SLC35A1: variants seen among roughly 807,000 people sequenced by gnomAD.
The protein encoded by SLC35A1 is solute carrier family 35 member A1.
SLC35A1 carries 21 observed loss-of-function variants against 40.3 expected under a neutral mutation model. The ratio of observed to expected loss-of-function variants is 0.52; its 90% CI spans 0.37 to 0.75. SLC35A1 has a LOEUF of 0.75. Among genes scored for constraint, SLC35A1 ranks in the 30% least tolerant of loss-of-function variants. The pLI is 0.00. For synonymous variants in SLC35A1, 146 were observed against 147.3 expected, an observed-to-expected ratio of 0.99 and a Z score of 0.06; for missense variants, 297 against 382.1, an observed-to-expected ratio of 0.78 and a Z score of 1.86.
At chr6:87,500,728 T>A in intron 3 of SLC35A1, 61 bp downstream of exon 3, 3 of 1,512,310 alleles carry the variant, frequency 2.0e-6, no homozygotes, top group Non-Finnish European at 1.8e-6. Context: ...GAGTTTTTAT[T>A]AACTCTTTAT....
intron 2 of SLC35A1, among the ~76,000 whole-genome samples, chr6:87,493,239 A>C (rs1769606847): frequency 6.6e-6 from 1 of 152,152 alleles, no homozygotes; most frequent in African/African-American, 2.4e-5. Context: ...TCTTTTTAGC[A>C]TATCTTGTTA....
intron 2 of SLC35A1, among the ~76,000 whole-genome samples, chr6:87,481,028 T>A (rs1005758273): frequency 6.6e-6 from 1 of 152,240 alleles, no homozygotes; most frequent in South Asian, 2.1e-4. Flanking sequence ...CTAGGGGTGG[T>A]ACCTGTGCTA....
intron 2 of SLC35A1, among the ~76,000 whole-genome samples, chr6:87,481,518 T>G (rs918721606): frequency 6.6e-6 from 1 of 152,108 alleles, no homozygotes; most frequent in Non-Finnish European, 1.5e-5. Flanking sequence ...GAGAAACCTA[T>G]TTTTATTAGT....
Position 87,481,417 on chromosome 6 carries a change from C to T in SLC35A1, c.194+3878C>T, listed in dbSNP as rs866350477. On this transcript the variant is annotated intron_variant, in intron 2 of 7. Coordinates refer to ENST00000369552, the MANE Select transcript of SLC35A1 (RefSeq NM_006416.5). ...GGGCAACAAGAGCGAAACTCTGACT[C>T]AAAAAAAAAAAAAAAAATTGGGGGA... Among the ~76,000 whole-genome samples the T allele has an allele frequency of 7.5e-3, 880 of 116,852 alleles. 6 individuals carry two copies. The highest frequency in any genetic ancestry group is 0.023 in the African/African-American group (745 of 32,942). 76.7% of individuals were successfully genotyped at this position (116,852 alleles called of 152,430 possible). A position where few individuals can be genotyped will look rare whatever the true frequency, so the allele number is the denominator to read the frequency against.
rs142519721 is a variant in SLC35A1, at chr6:87,476,176, T to C, written c.17-1186T>C. On this transcript the variant is annotated intron_variant, in intron 1 of 7. Coordinates refer to ENST00000369552, the MANE Select transcript of SLC35A1 (RefSeq NM_006416.5). ...GCAGGCAATTCTTAAATTAAGTGTT[T>C]ATATGTTTCCTGCATTTCTAGTTTT... Among the ~76,000 whole-genome samples the C allele has an allele frequency of 2.0e-5, 3 of 152,210 alleles. No individual in the cohort carries two copies. The East Asian group carries it at 5.8e-4, about 29-fold the overall frequency.
At chr6:87,473,907 C>T (rs1768992437) in intron 1 of SLC35A1, among the ~76,000 whole-genome samples, 1 of 152,260 alleles carries the variant, frequency 6.6e-6, no homozygotes, top group Admixed American at 6.5e-5. Flanking sequence ...TAAGGAATAT[C>T]TTCTTGCGTG....
intron 2 of SLC35A1, among the ~76,000 whole-genome samples, chr6:87,498,796 A>G (rs1045681345): frequency 2.0e-5 from 3 of 152,144 alleles, no homozygotes; most frequent in Non-Finnish European, 4.4e-5. Context: ...AACAACAAAG[A>G]TGTAAGGAAA....
chr6:87,476,524 A>G (rs927739475), intron 1 of SLC35A1, among the ~76,000 whole-genome samples: 1 of 152,204 alleles, frequency 6.6e-6, no homozygotes, highest in Non-Finnish European at 1.5e-5. Context: ...CAGGAGTTCG[A>G]GACCAGCCTG....
In SLC35A1 at chr6:87,497,743, A is replaced by T. The variant is rs906004828; in HGVS notation, c.195-2765A>T. 3.3e-5 allele frequency among the ~76,000 whole-genome samples: 5 copies of T among 151,744 alleles called. No homozygotes were observed. The East Asian group carries it at 5.8e-4, about 18-fold the overall frequency. On this transcript the variant is annotated intron_variant, in intron 2 of 7. Coordinates refer to ENST00000369552, the MANE Select transcript of SLC35A1 (RefSeq NM_006416.5). ...AATGTCTTATTTTTTTCTTTTTTTT[A>T]AAAGAGATGGTATCTTACTCTTTCA...
At chr6:87,504,046 T>TAAATTAAATTTA (rs1229329832) in intron 4 of SLC35A1, among the ~76,000 whole-genome samples, 3 of 152,124 alleles carry the variant, frequency 2.0e-5, no homozygotes, top group Non-Finnish European at 4.4e-5. Context: ...TTTATTTAGC[T>TAAATTAAATTTA]AGGTAGTCTA....
At chr6:87,509,584 T>C (rs1562028147) in intron 7 of SLC35A1, among the ~76,000 whole-genome samples, 1 of 152,216 alleles carries the variant, frequency 6.6e-6, no homozygotes, top group South Asian at 2.1e-4. Flanking sequence ...TTTAGAAGAA[T>C]GTAGAAAACA....
Position 87,477,450 on chromosome 6 carries a change from G to A in SLC35A1, c.105G>A (p.Arg35=), listed in dbSNP as rs1769108347. Residue 35 remains arginine (R), a synonymous_variant, in exon 2 of 8, where the codon AGG becomes AGA. Coordinates refer to ENST00000369552, the MANE Select transcript of SLC35A1 (RefSeq NM_006416.5). ...ATACCATAGCTTTAAGATACACAAG[G>A]ACATCAGACAAAGAACTCTACTTTT... The part of the protein sequence containing the change: ...AVYTIALRYT[R]TSDKELYFST... 6.2e-7 allele frequency: 1 copy of A among 1,613,716 alleles called. No homozygotes were observed. Among genetic ancestry groups the A allele is most frequent in the Non-Finnish European group, 8.5e-7 (1 of 1,179,720 alleles).
intron 6 of SLC35A1, 123 bp from the exon 7 acceptor site, chr6:87,508,918 A>T (rs933890088): frequency 2.0e-4 from 219 of 1,081,008 alleles, no homozygotes; most frequent in Admixed American, 1.3e-4. Context: ...GCTCCTTCTA[A>T]GGAAAACAGT....
intron 2 of SLC35A1, among the ~76,000 whole-genome samples, chr6:87,477,961 A>G (rs1001477382): frequency 5.3e-5 from 8 of 152,194 alleles, no homozygotes; most frequent in Non-Finnish European, 1.0e-4. Context: ...ACAGAAAACA[A>G]TTATTGACTT....
intron 7 of SLC35A1, 57 bp downstream of exon 7, chr6:87,509,232 T>A: frequency 2.5e-6 from 4 of 1,603,568 alleles, no homozygotes; most frequent in Non-Finnish European, 3.4e-6. Context: ...TTTCCTTGAT[T>A]CATTTAATCC....
In SLC35A1 at chr6:87,508,407, A is replaced by T. The variant is rs1289408096; in HGVS notation, c.575-13A>T. The T allele has an allele frequency of 5.8e-6, 9 of 1,542,176 alleles. No individual in the cohort carries two copies. Among genetic ancestry groups the T allele is most frequent in the Non-Finnish European group, 7.2e-6 (8 of 1,117,644 alleles). ...AGTAATCTTTAATATTTGCATGTCT[A>T]ATTTTCTTTCAGGAGTATATTTTGA... On this transcript the variant is annotated splice_polypyrimidine_tract_variant and intron_variant, in intron 5 of 7. Transcript: ENST00000369552.
intron 4 of SLC35A1, among the ~76,000 whole-genome samples, chr6:87,502,314 T>A (rs1294459702): frequency 1.3e-5 from 2 of 152,230 alleles, no homozygotes; most frequent in Non-Finnish European, 2.9e-5. Context: ...AGGCACAGTT[T>A]GGTAATTACC....
At chr6:87,509,840 A>G (rs1477807862) in intron 7 of SLC35A1, among the ~76,000 whole-genome samples, 1 of 152,212 alleles carries the variant, frequency 6.6e-6, no homozygotes, top group Non-Finnish European at 1.5e-5. Flanking sequence ...AATGATATTG[A>G]CTTAACATTT....
chr6:87,496,195 GATAGGAAATTTA>G (rs1318055788), intron 2 of SLC35A1: 5 of 152,116 alleles, frequency 3.3e-5, no homozygotes, highest in Admixed American at 3.3e-4. Flanking sequence ...TCAGCTGGTT[GATAGGAAATTTA>G]GTGGGAGAGG....
Sources: allele counts gnomAD v4.1 joint callset (sites outside exome capture counted in the v4.1 genomes callset), GRCh38; gene constraint gnomAD v4.1.1; transcripts MANE v1.5; gene names NCBI Gene and HGNC (gene_info 2026-07-23, HGNC 2026-07-21).